Variants in PDE4DIP observed in about 807,000 individuals in gnomAD.
The protein encoded by PDE4DIP is phosphodiesterase 4D interacting protein, also known as myomegalin.
PDE4DIP carries 59 observed loss-of-function variants against 221.4 expected under a neutral mutation model. That is an observed-to-expected ratio of 0.27 (90% CI 0.22 to 0.33). The LOEUF (loss-of-function observed/expected upper bound fraction) is 0.33, where lower values mean the gene tolerates loss of function less well. PDE4DIP is among the 10% of genes least tolerant of loss of function. The probability of loss-of-function intolerance (pLI) is 1.00; values close to 1 mark genes in which losing one functional copy is unlikely to be tolerated. For missense variants in PDE4DIP, 1,036 were observed against 2,154.2 expected (o/e 0.48, Z 10.28); for synonymous variants, 404 against 815.9 (o/e 0.50, Z 8.60).
chr1:149,017,325 A>G, intron 33 of PDE4DIP, among the ~76,000 whole-genome samples: 1 of 152,066 alleles, frequency 6.6e-6, no homozygotes, highest in South Asian at 2.1e-4. Flanking sequence ...GGGTGGGAGG[A>G]AGGGCTTTGT....
At chr1:149,024,361 G>C in intron 37 of PDE4DIP, 84 bp from the exon 41 acceptor site, 2 of 995,290 alleles carry the variant, frequency 2.0e-6, no homozygotes, top group Non-Finnish European at 3.0e-6. Context: ...TGGGGTCCTT[G>C]GCAGAAAAGA....
chr1:148,929,179 T>C lies in PDE4DIP; in HGVS notation c.142-18T>C, dbSNP rs782338023. 34 of 1,613,008 alleles carry C rather than the reference T, an allele frequency of 2.1e-5. 2 individuals are homozygous for C. Among genetic ancestry groups the C allele is most frequent in the Non-Finnish European group, 1.9e-5 (22 of 1,179,450 alleles). The stretch of plus-strand genomic sequence containing the variant: ...GTCTGTGGCAGTTAATAACGATTAA[T>C]GCCTGTGTGTTTTTCAGAACATTGA... On this transcript the variant is annotated intron_variant, in intron 1 of 43. Transcript: ENST00000369354.
chr1:148,921,644 G>GA, intron 1 of PDE4DIP, among the ~76,000 whole-genome samples: 1 of 28,162 alleles, frequency 3.6e-5, no homozygotes, highest in African/African-American at 2.2e-4. Flanking sequence ...AAATGAAAAT[G>GA]AAAAAATAAA....
At chr1:149,020,618 T>C (rs1197758711) in intron 36 of PDE4DIP, 104 of 354,466 alleles carry the variant, frequency 2.9e-4, no homozygotes, top group East Asian at 1.1e-3. Context: ...AAAGAAGGGT[T>C]CCCATGCTTC....
At chr1:149,009,914 T>C in intron 30 of PDE4DIP, 123 bp downstream of exon 33, 1 of 776,038 alleles carries the variant, frequency 1.3e-6, no homozygotes, top group Non-Finnish European at 2.2e-6. Flanking sequence ...CCAAGTGCCA[T>C]GCACAGGCAC....
intron 1 of PDE4DIP, among the ~76,000 whole-genome samples, chr1:148,927,395 T>G (rs2046958783): frequency 6.6e-6 from 1 of 152,036 alleles, no homozygotes; most frequent in Non-Finnish European, 1.5e-5. Flanking sequence ...CCAACTGCCT[T>G]CCAGCTCTAA....
At chr1:149,020,044 C>T in intron 35 of PDE4DIP, 103 bp from the exon 39 acceptor site, 1 of 579,102 alleles carries the variant, frequency 1.7e-6, no homozygotes, top group Non-Finnish European at 3.1e-6. Context: ...GCCTTCCTTC[C>T]CTGCTCCTTA....
At chr1:149,010,796 G>C (rs2068380824) in intron 31 of PDE4DIP, among the ~76,000 whole-genome samples, 1 of 150,816 alleles carries the variant, frequency 6.6e-6, no homozygotes, top group Non-Finnish European at 1.5e-5. Context: ...ATCAGGTTTT[G>C]ATCTGCATAC....
chr1:148,979,953 T>C, intron 20 of PDE4DIP, 104 bp downstream of exon 23: 5 of 1,412,374 alleles, frequency 3.5e-6, no homozygotes, highest in Non-Finnish European at 4.8e-6. Flanking sequence ...ATGCTTATGA[T>C]ACTGAAGAGG....
At chr1:149,024,362 G>A (rs587651467) in intron 37 of PDE4DIP, 83 bp from the exon 41 acceptor site, 4 of 1,008,810 alleles carry the variant, frequency 4.0e-6, no homozygotes, top group Non-Finnish European at 5.9e-6. Flanking sequence ...GGGGTCCTTG[G>A]CAGAAAAGAA....
At chr1:148,821,112 A>G (rs587768525) in intron 1 of PDE4DIP, among the ~76,000 whole-genome samples, 4,253 of 148,956 alleles carry the variant, frequency 0.029, 121 homozygotes, top group Middle Eastern at 0.082. Context: ...CGGCCTCCCA[A>G]TGATCTGATT....
In PDE4DIP at chr1:148,977,919, TG is replaced by T; in HGVS notation, c.2320-17del. 1 of 1,609,410 alleles carries T rather than the reference TG, an allele frequency of 6.2e-7. No homozygotes were observed. Among genetic ancestry groups the T allele is most frequent in the East Asian group, 2.2e-5 (1 of 44,846 alleles). On this transcript the variant is annotated splice_polypyrimidine_tract_variant and intron_variant, in intron 17 of 43. Transcript: ENST00000369354. Reference sequence around the variant, plus strand: ...GTTAAAATGTAAACATGGCAGACATTGTTTCCTCTTTTCACAGATGGAACTT... The same window carrying T: ...GTTAAAATGTAAACATGGCAGACATTTTTCCTCTTTTCACAGATGGAACTT...
chr1:148,918,520 T>C (rs587735520), intron 1 of PDE4DIP, among the ~76,000 whole-genome samples: 189 of 125,140 alleles, frequency 1.5e-3, no homozygotes, highest in African/African-American at 5.8e-3. Context: ...TTACTAAGTA[T>C]TTTATGAAAA....
intron 2 of PDE4DIP, chr1:148,930,781 G>T (rs1425450783): frequency 1.4e-5 from 2 of 146,750 alleles, no homozygotes; most frequent in African/African-American, 5.2e-5. Flanking sequence ...ATTGCCGAAG[G>T]TAATCTACAG....
intron 9 of PDE4DIP, among the ~76,000 whole-genome samples, chr1:148,965,215 TTC>T (rs1331335419): frequency 6.7e-6 from 1 of 150,358 alleles, no homozygotes; most frequent in Non-Finnish European, 1.5e-5. Flanking sequence ...GTAGGACAGA[TTC>T]TCACTTAATG....
intron 1 of PDE4DIP, among the ~76,000 whole-genome samples, chr1:148,927,559 G>A (rs1553466570): frequency 6.6e-6 from 1 of 151,782 alleles, no homozygotes; most frequent in African/African-American, 2.4e-5. Flanking sequence ...ATGTTGCCTT[G>A]GACTTCTAGA....
rs1374249951 is a variant in PDE4DIP, at chr1:148,925,859, C to T, written c.142-3338C>T. Among the ~76,000 whole-genome samples the T allele has an allele frequency of 3.3e-5, 5 of 151,810 alleles. No individual in the cohort carries two copies. The East Asian group carries it at 9.7e-4, about 29-fold the overall frequency. On this transcript the variant is annotated intron_variant, in intron 1 of 43. Coordinates refer to ENST00000369354, the Ensembl canonical transcript of PDE4DIP. ...GATTAGTTAACCTGCCCAAGGTCAC[C>T]TAGCAGGAAAGTGATAGAGCCAGGA... is the stretch of plus-strand genomic sequence containing the variant.
In PDE4DIP at chr1:149,012,580, T is replaced by G. The variant is rs781804574; in HGVS notation, c.5081-11T>G. On this transcript the variant is annotated splice_polypyrimidine_tract_variant and intron_variant, in intron 31 of 43. Transcript: ENST00000369354. The stretch of plus-strand genomic sequence containing the variant: ...GATGTGTCTCTTTTCTCCTTAACTT[T>G]CTTTTCCTAGGCTTTCATTTTCACT... 6.3e-7 allele frequency: 1 copy of G among 1,579,176 alleles called. No homozygotes were observed. Among genetic ancestry groups the G allele is most frequent in the Non-Finnish European group, 8.6e-7 (1 of 1,165,814 alleles).
chr1:148,893,078 TG>T, intron 1 of PDE4DIP, among the ~76,000 whole-genome samples: 1 of 82,588 alleles, frequency 1.2e-5, no homozygotes, highest in Non-Finnish European at 2.8e-5. Flanking sequence ...TGTGTGTGTG[TG>T]TGTGTGTGTG....
Sources: gnomAD v4.1 joint callset for allele counts (sites outside exome capture counted in the v4.1 genomes callset) on GRCh38, gnomAD v4.1.1 for gene constraint, MANE v1.5 for transcripts, NCBI Gene and HGNC (gene_info 2026-07-23, HGNC 2026-07-21) for gene names.